The following RIMS2 variants were observed in gnomAD, a reference collection of about 807,000 sequenced individuals.
The protein encoded by RIMS2 is regulating synaptic membrane exocytosis protein 2.
Under a neutral mutation model 174.4 loss-of-function variants are expected in RIMS2, and 59 were observed. The observed-to-expected ratio is 0.34, with a 90% CI of 0.27 to 0.42. The LOEUF (loss-of-function observed/expected upper bound fraction) is 0.42. Ranked by LOEUF, RIMS2 falls within the 10% of genes least tolerant of loss-of-function variation. The pLI is 1.00. For synonymous variants in RIMS2, 606 were observed against 572.5 expected (o/e 1.06, Z -0.84); for missense variants, 1,620 against 1,666.3 (o/e 0.97, Z 0.48).
rs747777329 is a variant in RIMS2, at chr8:103,916,428, G to A, written c.1927G>A (p.Glu643Lys). 5 of 1,607,648 alleles carry A rather than the reference G, an allele frequency of 3.1e-6. No homozygotes were observed. In the Admixed American group the frequency reaches 8.4e-5, roughly 27 times the overall value. The change falls in exon 8 of 24, where the codon GAA (glutamate) becomes AAA (lysine). Residue 643 changes from glutamate (E) to lysine (K), a missense_variant. Glu to Lys is a moderately conservative substitution (Grantham distance 56). Transcript: ENST00000504942. ...ACCCACTATAGGTGATGAAGTATTA[G>A]AATGGAATGGAAGACTACTGCAAGG...
intron 19 of RIMS2, among the ~76,000 whole-genome samples, chr8:104,228,221 G>C (rs894894425): frequency 5.3e-5 from 8 of 151,692 alleles, no homozygotes; most frequent in African/African-American, 1.9e-4. Flanking sequence ...GTGGAGACAG[G>C]GTTTCACCGT....
intron 16 of RIMS2, among the ~76,000 whole-genome samples, chr8:103,983,228 G>A (rs1423276450): frequency 6.6e-6 from 1 of 152,080 alleles, no homozygotes; most frequent in Non-Finnish European, 1.5e-5. Context: ...ATAAAACATT[G>A]GCGCAAGAAA....
rs117279865 is a variant in RIMS2, at chr8:104,017,889, A to G, written c.3334+3274A>G. Among the ~76,000 whole-genome samples, 1,661 of 152,058 alleles carry G rather than the reference A, an allele frequency of 0.011. 24 individuals are homozygous for G. The Middle Eastern group carries it at 0.11, about 10-fold the overall frequency. ...TCGGGAGTTCAAGACCAGCCTCGGT[A>G]ACATGGTGAAACCCCATCGCTATAA... On this transcript the variant is annotated intron_variant, in intron 19 of 23. Coordinates refer to ENST00000504942, the Ensembl canonical transcript of RIMS2.
chr8:103,947,725 C>T (rs2084160345), intron 14 of RIMS2, among the ~76,000 whole-genome samples: 1 of 152,084 alleles, frequency 6.6e-6, no homozygotes, highest in South Asian at 2.1e-4. Context: ...AGGCCTAGGA[C>T]ATTACTGTAT....
In RIMS2 at chr8:103,734,181, T is replaced by G. The variant is rs767223088; in HGVS notation, c.388-32046T>G. Among the ~76,000 whole-genome samples, 2 of 151,676 alleles carry G rather than the reference T, an allele frequency of 1.3e-5. 1 individual carries two copies. The highest frequency in any genetic ancestry group is 2.9e-5 in the Non-Finnish European group (2 of 67,900). On this transcript the variant is annotated intron_variant, in intron 2 of 23. Transcript: ENST00000504942. The stretch of plus-strand genomic sequence containing the variant: ...GTGCACGCCACCACACCCAGCTAAT[T>G]TTTGTATTTTCAGTAGAGATGGGGT...
At chr8:103,649,150 T>C (rs2096401892) in intron 1 of RIMS2, among the ~76,000 whole-genome samples, 1 of 152,174 alleles carries the variant, frequency 6.6e-6, no homozygotes, top group Non-Finnish European at 1.5e-5. Context: ...GGAAATTCCC[T>C]AAGCATTTGA....
intron 2 of RIMS2, among the ~76,000 whole-genome samples, chr8:103,745,891 T>C (rs2097805338): frequency 6.6e-6 from 1 of 152,200 alleles, no homozygotes; most frequent in Admixed American, 6.5e-5. Context: ...TTTTTTCTTA[T>C]TCTGTGGGTT....
At chr8:103,666,576 G>A (rs1227374178) in intron 1 of RIMS2, among the ~76,000 whole-genome samples, 2 of 152,106 alleles carry the variant, frequency 1.3e-5, no homozygotes, top group African/African-American at 4.8e-5. Flanking sequence ...TCCTTATTAT[G>A]CTGGAATGTC....
At chr8:103,798,682 G>A (rs2098576967) in intron 3 of RIMS2, among the ~76,000 whole-genome samples, 2 of 152,086 alleles carry the variant, frequency 1.3e-5, no homozygotes. Context: ...TAAAAGATTC[G>A]TTCATGTGGG....
intron 1 of RIMS2, among the ~76,000 whole-genome samples, chr8:103,604,493 G>C (rs1246676383): frequency 1.3e-5 from 2 of 151,950 alleles, no homozygotes; most frequent in African/African-American, 4.8e-5. Context: ...CTCTTTTTTG[G>C]TTCCATATGA....
chr8:104,056,627 A>T (rs1268757977), intron 19 of RIMS2, among the ~76,000 whole-genome samples: 1 of 152,134 alleles, frequency 6.6e-6, no homozygotes, highest in East Asian at 1.9e-4. Context: ...CATGCCTGTA[A>T]TCCCAACACT....
At chr8:103,511,504 A>G (rs997695070) in intron 1 of RIMS2, among the ~76,000 whole-genome samples, 1 of 152,176 alleles carries the variant, frequency 6.6e-6, no homozygotes, top group African/African-American at 2.4e-5. Context: ...GCCTTCATAT[A>G]TTACTTTTTT....
At chr8:103,665,146 G>A (rs1251733388) in intron 1 of RIMS2, among the ~76,000 whole-genome samples, 1 of 152,200 alleles carries the variant, frequency 6.6e-6, no homozygotes, top group Non-Finnish European at 1.5e-5. Flanking sequence ...GCCTGGGGGA[G>A]GGATAGAATT....
At chr8:103,625,701 T>A (rs2095764712) in intron 1 of RIMS2, among the ~76,000 whole-genome samples, 1 of 152,142 alleles carries the variant, frequency 6.6e-6, no homozygotes, top group Non-Finnish European at 1.5e-5. Context: ...AAAATTATGT[T>A]AATTCAGCAA....
chr8:103,918,620 T>C lies in RIMS2; in HGVS notation c.2083+133T>C, dbSNP rs114992529. The stretch of plus-strand genomic sequence containing the variant: ...TATCAAGTCTGTAAGCATATAAAGA[T>C]GGAAAATTTAGTATTATTTCATGTC... On this transcript the variant is annotated intron_variant, in intron 9 of 23. Coordinates refer to ENST00000504942, the Ensembl canonical transcript of RIMS2. The C allele has an allele frequency of 5.9e-4, 397 of 678,140 alleles. 1 individual carries two copies. In the African/African-American group the frequency reaches 6.5e-3, roughly 11 times the overall value. The allele number at this position is 678,140 out of a possible 1,614,324, so 42.0% of individuals were successfully genotyped here.
chr8:104,197,711 G>A (rs1166071970), intron 19 of RIMS2, among the ~76,000 whole-genome samples: 1 of 152,156 alleles, frequency 6.6e-6, no homozygotes, highest in African/African-American at 2.4e-5. Context: ...GACTCAGAGT[G>A]CCAGAGGATC....
intron 15 of RIMS2, among the ~76,000 whole-genome samples, chr8:103,962,706 C>G (rs1478185955): frequency 6.6e-6 from 1 of 152,104 alleles, no homozygotes; most frequent in African/African-American, 2.4e-5. Flanking sequence ...TCACTGCATC[C>G]TCAACTTCCC....
intron 1 of RIMS2, among the ~76,000 whole-genome samples, chr8:103,645,192 A>G (rs1490800231): frequency 1.3e-5 from 2 of 152,042 alleles, no homozygotes; most frequent in Non-Finnish European, 2.9e-5. Context: ...TTGTGTTTGA[A>G]TGTTTATATG....
chr8:103,689,604 A>G (rs1287652263), intron 1 of RIMS2, among the ~76,000 whole-genome samples: 5 of 152,190 alleles, frequency 3.3e-5, no homozygotes, highest in African/African-American at 1.2e-4. Context: ...TTATCATTAC[A>G]TAATGACCTT....
Sources: gnomAD v4.1 joint callset for allele counts (sites outside exome capture counted in the v4.1 genomes callset) on GRCh38, gnomAD v4.1.1 for gene constraint, MANE v1.5 for transcripts, NCBI Gene and HGNC (gene_info 2026-07-23, HGNC 2026-07-21) for gene names.